Variants in HEMK2 observed in about 807,000 individuals in gnomAD.
HEMK2 encodes the protein methyltransferase HEMK2.
chr21:28,767,385 T>A, the HEMK2 span, among the ~76,000 whole-genome samples: 8 of 146,164 alleles, frequency 5.5e-5, no homozygotes, highest in East Asian at 1.9e-4. Context: ...AAAAAAAAAA[T>A]TTAAGAGCTA....
chr21:28,686,104 G>C, the HEMK2 span, among the ~76,000 whole-genome samples: 2 of 152,218 alleles, frequency 1.3e-5, no homozygotes, highest in African/African-American at 2.4e-5. Context: ...GCCTAGTCAA[G>C]AAGAGGGCTC....
the HEMK2 span, among the ~76,000 whole-genome samples, chr21:28,609,509 G>A: frequency 7.1e-6 from 1 of 141,608 alleles, no homozygotes. Flanking sequence ...ATCCCCAAAA[G>A]ATCACACTAG....
chr21:28,745,947 C>T, the HEMK2 span, among the ~76,000 whole-genome samples: 3 of 152,116 alleles, frequency 2.0e-5, no homozygotes, highest in African/African-American at 7.2e-5. Context: ...ATTAACACTC[C>T]CAGACAGAGA....
At chr21:28,714,068 T>A in the HEMK2 span, among the ~76,000 whole-genome samples, 1 of 152,354 alleles carries the variant, frequency 6.6e-6, no homozygotes, top group South Asian at 2.1e-4. Context: ...GTAACAGTTA[T>A]AGAGTTGTCT....
chr21:28,713,601 C>T, the HEMK2 span, among the ~76,000 whole-genome samples: 1 of 152,096 alleles, frequency 6.6e-6, no homozygotes, highest in Non-Finnish European at 1.5e-5. Context: ...ACTCCCATTC[C>T]TCCTTTGCAT....
chr21:28,757,097 T>C, the HEMK2 span, among the ~76,000 whole-genome samples: 1 of 152,190 alleles, frequency 6.6e-6, no homozygotes, highest in Non-Finnish European at 1.5e-5. Flanking sequence ...TTAAATATTT[T>C]CTATAGTAAA....
the HEMK2 span, among the ~76,000 whole-genome samples, chr21:28,608,859 T>C: frequency 6.6e-6 from 1 of 152,088 alleles, no homozygotes; most frequent in Non-Finnish European, 1.5e-5. Flanking sequence ...CATAATTCCA[T>C]TGGCCTGAGA....
the HEMK2 span, among the ~76,000 whole-genome samples, chr21:28,717,269 TTTA>T: frequency 3.9e-5 from 6 of 152,094 alleles, no homozygotes; most frequent in African/African-American, 1.4e-4. Flanking sequence ...TGGGTGTTTT[TTTA>T]CTACTGATTC....
chr21:28,693,921 C>T, the HEMK2 span, among the ~76,000 whole-genome samples: 8 of 152,134 alleles, frequency 5.3e-5, no homozygotes, highest in East Asian at 1.3e-3. Flanking sequence ...TTTACCCACA[C>T]AATCAAGAGA....
chr21:28,592,714 G>A, the HEMK2 span, among the ~76,000 whole-genome samples: 2 of 152,148 alleles, frequency 1.3e-5, no homozygotes, highest in African/African-American at 4.8e-5. Flanking sequence ...CATACAATAA[G>A]CTTTTAATCA....
the HEMK2 span, among the ~76,000 whole-genome samples, chr21:28,617,418 A>G: frequency 6.6e-6 from 1 of 152,230 alleles, no homozygotes; most frequent in Non-Finnish European, 1.5e-5. Flanking sequence ...GAAGTCCCTT[A>G]ATGGTGTCAG....
the HEMK2 span, among the ~76,000 whole-genome samples, chr21:28,798,516 T>TA: frequency 2.6e-5 from 4 of 152,052 alleles, no homozygotes; most frequent in African/African-American, 9.7e-5. Context: ...GTTTTTTTTT[T>TA]ATTATAATTG....
the HEMK2 span, chr21:28,882,061 T>A: frequency 1.2e-6 from 1 of 819,628 alleles, no homozygotes; most frequent in Non-Finnish European, 1.9e-6. Flanking sequence ...GTATACTGCT[T>A]AGTGGGTCAA....
the HEMK2 span, among the ~76,000 whole-genome samples, chr21:28,745,343 C>G: frequency 6.6e-6 from 1 of 152,204 alleles, no homozygotes; most frequent in African/African-American, 2.4e-5. Context: ...CCCAGAGAGT[C>G]TGATTTGTAC....
chr21:28,635,250 C>G, the HEMK2 span, among the ~76,000 whole-genome samples: 1 of 152,002 alleles, frequency 6.6e-6, no homozygotes, highest in Non-Finnish European at 1.5e-5. Context: ...TTACGGGTGC[C>G]TGCCACCACA....
chr21:28,794,780 T>A, the HEMK2 span, among the ~76,000 whole-genome samples: 1 of 152,332 alleles, frequency 6.6e-6, no homozygotes, highest in African/African-American at 2.4e-5. Flanking sequence ...TTGTTTCATA[T>A]CTGACTCTGC....
At chr21:28,741,047 G>A in the HEMK2 span, among the ~76,000 whole-genome samples, 1 of 152,066 alleles carries the variant, frequency 6.6e-6, no homozygotes. Flanking sequence ...ACATGTGTTA[G>A]CTCCAAGATA....
At chr21:28,865,245 A>G in the HEMK2 span, among the ~76,000 whole-genome samples, 1 of 152,174 alleles carries the variant, frequency 6.6e-6, no homozygotes, top group Non-Finnish European at 1.5e-5. Flanking sequence ...CACTCACTGC[A>G]ACCTCCGCCT....
At chr21:28,636,406 C>T in the HEMK2 span, among the ~76,000 whole-genome samples, 2 of 152,110 alleles carry the variant, frequency 1.3e-5, no homozygotes, top group Non-Finnish European at 2.9e-5. Context: ...AAAATGGAGC[C>T]TTGATGGACA....
Sources: allele counts gnomAD v4.1 joint callset (sites outside exome capture counted in the v4.1 genomes callset), GRCh38; gene constraint gnomAD v4.1.1; transcripts MANE v1.5; gene names NCBI Gene and HGNC (gene_info 2026-07-23, HGNC 2026-07-21).